FANCL: variants seen among roughly 807,000 people sequenced by gnomAD.
FANCL encodes E3 ubiquitin-protein ligase FANCL.
FANCL carries 69 observed loss-of-function variants against 59.4 expected under a neutral mutation model. That is an observed-to-expected ratio of 1.16 (90% CI 0.96 to 1.42). FANCL has a LOEUF of 1.42. FANCL is among the 40% of genes most tolerant of loss of function. The probability of loss-of-function intolerance (pLI) is 0.00; values close to 1 mark genes in which losing one functional copy is unlikely to be tolerated. For synonymous variants in FANCL, 180 were observed against 147.1 expected, an observed-to-expected ratio of 1.22 and a Z score of -1.62; for missense variants, 519 against 447.2, an observed-to-expected ratio of 1.16 and a Z score of -1.45.
At chr2:58,225,822 T>TA (rs1692943819) in intron 4 of FANCL, among the ~76,000 whole-genome samples, 1 of 151,960 alleles carries the variant, frequency 6.6e-6, no homozygotes, top group Non-Finnish European at 1.5e-5. Flanking sequence ...ATGGCATGAA[T>TA]AAAAAGGGTG....
intron 7 of FANCL, among the ~76,000 whole-genome samples, chr2:58,177,368 C>G (rs1167364862): frequency 1.3e-5 from 2 of 152,074 alleles, no homozygotes; most frequent in African/African-American, 2.4e-5. Context: ...ACAGCAAAGA[C>G]TTGGAACCAA....
At chr2:58,168,473 G>A (rs755272184) in intron 7 of FANCL, among the ~76,000 whole-genome samples, 5 of 152,112 alleles carry the variant, frequency 3.3e-5, no homozygotes, top group Non-Finnish European at 5.9e-5. Context: ...ATTCCCTCTG[G>A]TGCCTATTTC....
intron 12 of FANCL, among the ~76,000 whole-genome samples, chr2:58,161,263 T>G (rs1351525704): frequency 6.6e-6 from 1 of 152,012 alleles, no homozygotes; most frequent in East Asian, 1.9e-4. Flanking sequence ...TAATTTGTTA[T>G]GTGTCAATAA....
chr2:58,193,635 C>T (rs1222144505), intron 7 of FANCL, among the ~76,000 whole-genome samples: 1 of 151,906 alleles, frequency 6.6e-6, no homozygotes, highest in Non-Finnish European at 1.5e-5. Context: ...AGAAATTAAC[C>T]AATTTAAGAG....
chr2:58,169,124 C>T (rs1686264532), intron 7 of FANCL, among the ~76,000 whole-genome samples: 1 of 152,054 alleles, frequency 6.6e-6, no homozygotes, highest in South Asian at 2.1e-4. Flanking sequence ...CCTCCTCAAG[C>T]AGGGGTCAAA....
intron 2 of FANCL, among the ~76,000 whole-genome samples, chr2:58,230,767 C>A (rs1167583664): frequency 6.6e-6 from 1 of 152,160 alleles, no homozygotes; most frequent in Non-Finnish European, 1.5e-5. Flanking sequence ...TGCTTTCTCT[C>A]CCCTGCTACC....
At chr2:58,191,434 T>C (rs1447497339) in intron 7 of FANCL, among the ~76,000 whole-genome samples, 2 of 151,790 alleles carry the variant, frequency 1.3e-5, no homozygotes, top group Non-Finnish European at 2.9e-5. Context: ...GTACTCACAA[T>C]ATATTAACCA....
chr2:58,171,398 T>C (rs1037492092), intron 7 of FANCL, among the ~76,000 whole-genome samples: 4 of 152,190 alleles, frequency 2.6e-5, no homozygotes, highest in Non-Finnish European at 4.4e-5. Context: ...GGGAAATTTA[T>C]AACGAAATGC....
Position 58,234,290 on chromosome 2 carries a change from T to C in FANCL, c.97-2178A>G, listed in dbSNP as rs184656873. Among the ~76,000 whole-genome samples, 705 of 152,030 alleles carry C rather than the reference T, an allele frequency of 4.6e-3. 2 individuals are homozygous for C. Among genetic ancestry groups the C allele is most frequent in the Middle Eastern group, 0.01 (3 of 294 alleles). On this transcript the variant is annotated intron_variant, in intron 1 of 13. Coordinates refer to ENST00000233741, the MANE Select transcript of FANCL (RefSeq NM_018062.4). ...TTTAAAACTAAAATGAGAAATTGTA[T>C]TTTAAAAAATGAAAAGAAATGAATG... is the stretch of plus-strand genomic sequence containing the variant.
At chr2:58,186,109 G>A (rs1386045881) in intron 7 of FANCL, among the ~76,000 whole-genome samples, 1 of 152,056 alleles carries the variant, frequency 6.6e-6, no homozygotes, top group Non-Finnish European at 1.5e-5. Flanking sequence ...ATTTTCTAGG[G>A]GCAAGGAAAT....
chr2:58,189,717 T>G (rs1229448758), intron 7 of FANCL, among the ~76,000 whole-genome samples: 1 of 152,112 alleles, frequency 6.6e-6, no homozygotes, highest in Non-Finnish European at 1.5e-5. Context: ...GTCAGTCACT[T>G]AACCAGATCT....
At chr2:58,238,495 GATTATTGTAA>G (rs1694227563) in intron 1 of FANCL, among the ~76,000 whole-genome samples, 1 of 152,116 alleles carries the variant, frequency 6.6e-6, no homozygotes, top group Admixed American at 6.5e-5. Context: ...GATAATAAGG[GATTATTGTAA>G]ATAACTTTAA....
intron 5 of FANCL, among the ~76,000 whole-genome samples, chr2:58,219,171 A>AATATATACATAT (rs1692201747): frequency 5.7e-4 from 11 of 19,262 alleles, no homozygotes; most frequent in Non-Finnish European, 7.2e-4. Flanking sequence ...AAAAAAAAAA[A>AATATATACATAT]ATATATATAT....
rs779376983 is a variant in FANCL, at chr2:58,165,718, C to T, written c.691+6G>A. 6.2e-7 allele frequency: 1 copy of T among 1,614,032 alleles called. No homozygotes were observed. The highest frequency in any genetic ancestry group is 1.1e-5 in the South Asian group (1 of 91,076). ...AAAACAAACCCTTAATCCTCCTTGT[C>T]CCTACCTAATGCAATTCTGCGTGCT... is the stretch of plus-strand genomic sequence containing the variant. On this transcript the variant is annotated splice_donor_region_variant and intron_variant, in intron 8 of 13. Transcript: ENST00000233741.
intron 7 of FANCL, among the ~76,000 whole-genome samples, chr2:58,178,339 A>G (rs1029290002): frequency 6.6e-6 from 1 of 152,144 alleles, no homozygotes; most frequent in African/African-American, 2.4e-5. Context: ...TCAACAAAAT[A>G]CTGGCAAACC....
intron 5 of FANCL, among the ~76,000 whole-genome samples, chr2:58,217,180 A>ATATATTT (rs1691856637): frequency 3.7e-4 from 3 of 8,012 alleles, no homozygotes; most frequent in African/African-American, 1.3e-3. Context: ...ATATATATAT[A>ATATATTT]TATATATATA....
intron 1 of FANCL, among the ~76,000 whole-genome samples, chr2:58,238,355 C>T (rs1006421080): frequency 6.6e-6 from 1 of 152,154 alleles, no homozygotes; most frequent in African/African-American, 2.4e-5. Flanking sequence ...AAGTTGTTCG[C>T]AAATTTCAAA....
chr2:58,214,883 T>G (rs1423291370), intron 5 of FANCL, among the ~76,000 whole-genome samples: 1 of 152,114 alleles, frequency 6.6e-6, no homozygotes, highest in African/African-American at 2.4e-5. Flanking sequence ...TAAATATTAT[T>G]AGCAGGGTAA....
chr2:58,165,848 C>T lies in FANCL; in HGVS notation c.567G>A (p.Gln189=). Reference sequence around the variant, plus strand: ...TTAGTGATTCTATTGCTGCCAAAAACTGACTATAAATGCTTATTAAGGAGC... The same window carrying T: ...TTAGTGATTCTATTGCTGCCAAAAATTGACTATAAATGCTTATTAAGGAGC... ...PQSSLISIYS[Q]FLAAIESLKA... Residue 189 remains glutamine (Q), a synonymous_variant, in exon 8 of 14, where the codon CAG becomes CAA. Transcript: ENST00000233741. 1 of 1,613,990 alleles carries T rather than the reference C, an allele frequency of 6.2e-7. No individual in the cohort carries two copies. Among genetic ancestry groups the T allele is most frequent in the Non-Finnish European group, 8.5e-7 (1 of 1,179,962 alleles).
Sources: gnomAD v4.1 joint callset for allele counts (sites outside exome capture counted in the v4.1 genomes callset) on GRCh38, gnomAD v4.1.1 for gene constraint, MANE v1.5 for transcripts, NCBI Gene and HGNC (gene_info 2026-07-23, HGNC 2026-07-21) for gene names.